Variants in XKR6 observed in about 807,000 individuals in gnomAD.
XKR6 encodes XK-related protein 6.
In XKR6, 22 loss-of-function variants were observed where a neutral mutation model predicts 56.7. The observed-to-expected ratio is 0.39, with a 90% confidence interval of 0.28 to 0.55. XKR6 has a LOEUF of 0.55. XKR6 is among the 20% of genes least tolerant of loss of function. The probability of loss-of-function intolerance (pLI) is 0.66; values close to 1 mark genes in which losing one functional copy is unlikely to be tolerated. For missense variants in XKR6, 852 were observed against 889.0 expected (o/e 0.96, Z 0.53); for synonymous variants, 524 against 387.8 (o/e 1.35, Z -4.13).
intron 1 of XKR6, among the ~76,000 whole-genome samples, chr8:11,069,255 T>A (rs2129166474): frequency 6.7e-6 from 1 of 148,768 alleles, no homozygotes; most frequent in South Asian, 2.1e-4. Context: ...AAAAAAAAAA[T>A]CTACATTTGG....
intron 1 of XKR6, among the ~76,000 whole-genome samples, chr8:10,943,271 C>T (rs778689131): frequency 2.0e-5 from 3 of 152,208 alleles, no homozygotes; most frequent in Non-Finnish European, 4.4e-5. Flanking sequence ...CTTTGCCAGG[C>T]AAACAGGCAG....
intron 1 of XKR6, among the ~76,000 whole-genome samples, chr8:10,941,371 C>T (rs928459690): frequency 2.0e-5 from 3 of 152,212 alleles, no homozygotes; most frequent in Non-Finnish European, 4.4e-5. Context: ...CTGCTTCTGC[C>T]CTGACCCCAG....
intron 1 of XKR6, among the ~76,000 whole-genome samples, chr8:10,993,187 T>G (rs1798032087): frequency 6.6e-6 from 1 of 152,240 alleles, no homozygotes; most frequent in Non-Finnish European, 1.5e-5. Context: ...TGACGCCACT[T>G]TTTGGCTGGT....
At chr8:11,171,044 G>C (rs1355804917) in intron 1 of XKR6, among the ~76,000 whole-genome samples, 2 of 152,146 alleles carry the variant, frequency 1.3e-5, no homozygotes, top group African/African-American at 2.4e-5. Context: ...TCATGAAAAA[G>C]AACTGAGAAA....
chr8:11,022,233 A>G (rs1798763929), intron 1 of XKR6, among the ~76,000 whole-genome samples: 1 of 151,668 alleles, frequency 6.6e-6, no homozygotes. Flanking sequence ...CAAACAGTTC[A>G]GAGAAAGATG....
intron 1 of XKR6, chr8:11,128,779 C>G: frequency 4.4e-6 from 2 of 455,210 alleles, no homozygotes. Flanking sequence ...ATCCATTATG[C>G]CCATCAGCTG....
intron 1 of XKR6, among the ~76,000 whole-genome samples, chr8:11,004,293 G>A (rs1371883048): frequency 6.6e-6 from 1 of 152,110 alleles, no homozygotes; most frequent in Non-Finnish European, 1.5e-5. Flanking sequence ...CAAACATGGT[G>A]AAACCTCATC....
chr8:11,121,345 AAAAC>A (rs1384100748), intron 1 of XKR6, among the ~76,000 whole-genome samples: 9 of 152,226 alleles, frequency 5.9e-5, no homozygotes, highest in South Asian at 2.1e-4. Flanking sequence ...TTACAAGAAA[AAAAC>A]AAACAACCCC....
chr8:10,987,811 A>T (rs553026469), intron 1 of XKR6, among the ~76,000 whole-genome samples: 1 of 152,114 alleles, frequency 6.6e-6, no homozygotes, highest in African/African-American at 2.4e-5. Flanking sequence ...GTCTTTCCCA[A>T]ATGGCCTCCT....
At chr8:11,075,240 C>G (rs1237964186) in intron 1 of XKR6, among the ~76,000 whole-genome samples, 1 of 152,226 alleles carries the variant, frequency 6.6e-6, no homozygotes, top group African/African-American at 2.4e-5. Context: ...GCCTAGTCCC[C>G]TTGATTGGTC....
intron 1 of XKR6, among the ~76,000 whole-genome samples, chr8:11,009,798 C>G (rs1328609131): frequency 1.3e-5 from 2 of 152,170 alleles, no homozygotes; most frequent in South Asian, 2.1e-4. Context: ...TTAATTAACA[C>G]TAATGTATCA....
rs555381625 is a variant in XKR6, at chr8:10,971,996, G to T, written c.765-47166C>A. On this transcript the variant is annotated intron_variant, in intron 1 of 2. Transcript: ENST00000416569. The stretch of plus-strand genomic sequence containing the variant: ...GCCACAGCTCTTTCCCTCCACCTCC[G>T]ATCAATCCCACTGGACCCTAGCCCC... Among the ~76,000 whole-genome samples, 8 of 152,252 alleles carry T rather than the reference G, an allele frequency of 5.3e-5. No individual in the cohort carries two copies. The East Asian group carries it at 1.4e-3, about 26-fold the overall frequency.
chr8:11,142,613 C>G (rs990359414), intron 1 of XKR6, among the ~76,000 whole-genome samples: 7 of 152,148 alleles, frequency 4.6e-5, no homozygotes, highest in Non-Finnish European at 1.0e-4. Flanking sequence ...GCTCCTTGCT[C>G]CAGCTCTTGC....
chr8:11,197,498 C>A (rs75697707), intron 1 of XKR6, among the ~76,000 whole-genome samples: 3,361 of 152,304 alleles, frequency 0.022, 117 homozygotes, highest in African/African-American at 0.077. Flanking sequence ...AAAAGTGAAG[C>A]CCAATGTGAC....
intron 1 of XKR6, among the ~76,000 whole-genome samples, chr8:11,058,979 C>T (rs916874180): frequency 1.3e-5 from 2 of 152,240 alleles, no homozygotes; most frequent in Non-Finnish European, 2.9e-5. Context: ...GTGGGATTAT[C>T]CCCGCTTTAC....
intron 1 of XKR6, among the ~76,000 whole-genome samples, chr8:10,978,952 C>T (rs911925862): frequency 6.6e-6 from 1 of 152,176 alleles, no homozygotes; most frequent in Non-Finnish European, 1.5e-5. Context: ...CTCACAGAGA[C>T]CGTACCCTCG....
intron 1 of XKR6, among the ~76,000 whole-genome samples, chr8:11,005,150 G>A (rs1275231083): frequency 6.8e-6 from 1 of 146,464 alleles, no homozygotes; most frequent in South Asian, 2.2e-4. Flanking sequence ...GGCAGGTAGT[G>A]TGTCCAGCAT....
chr8:10,963,009 C>T (rs1425416297), intron 1 of XKR6, among the ~76,000 whole-genome samples: 1 of 152,192 alleles, frequency 6.6e-6, no homozygotes, highest in South Asian at 2.1e-4. Flanking sequence ...TGAGCCTGTC[C>T]TTCGATCATT....
chr8:11,040,271 C>G (rs1313416191), intron 1 of XKR6, among the ~76,000 whole-genome samples: 2 of 151,524 alleles, frequency 1.3e-5, no homozygotes, highest in Non-Finnish European at 1.5e-5. Flanking sequence ...CCTGGAATCC[C>G]AGCACTCTGA....
Sources: allele counts gnomAD v4.1 joint callset (sites outside exome capture counted in the v4.1 genomes callset), GRCh38; gene constraint gnomAD v4.1.1; transcripts MANE v1.5; gene names NCBI Gene and HGNC (gene_info 2026-07-23, HGNC 2026-07-21).